WDR7: variants seen among roughly 807,000 people sequenced by gnomAD.
The protein encoded by WDR7 is WD repeat domain 7.
A neutral mutation model predicts 169.4 loss-of-function variants in WDR7; 46 were observed. The observed-to-expected ratio is 0.27, with a 90% CI of 0.21 to 0.35. WDR7 has a LOEUF of 0.35. WDR7 is among the 10% of genes least tolerant of loss of function. WDR7 has a pLI of 1.00. For synonymous variants in WDR7, 612 were observed against 666.8 expected, an observed-to-expected ratio of 0.92 and a Z score of 1.27; for missense variants, 1,534 against 1,859.3, an observed-to-expected ratio of 0.83 and a Z score of 3.22.
chr18:57,010,317 T>C, intron 26 of WDR7: 1 of 980,858 alleles, frequency 1.0e-6, no homozygotes, highest in Non-Finnish European at 1.2e-6. Context: ...TGTAAATATT[T>C]GATAATTTAT....
intron 20 of WDR7, among the ~76,000 whole-genome samples, chr18:56,826,708 A>C (rs2045210643): frequency 6.6e-6 from 1 of 152,228 alleles, no homozygotes. Flanking sequence ...ATCCTAAATA[A>C]AGATGGATGA....
intron 12 of WDR7, among the ~76,000 whole-genome samples, chr18:56,713,587 C>T (rs1426300720): frequency 1.3e-5 from 2 of 152,100 alleles, no homozygotes; most frequent in Non-Finnish European, 2.9e-5. Flanking sequence ...TATTATTTTA[C>T]TTATACAGTT....
intron 25 of WDR7, among the ~76,000 whole-genome samples, chr18:56,955,890 A>T (rs2047243861): frequency 6.6e-6 from 1 of 152,206 alleles, no homozygotes; most frequent in Non-Finnish European, 1.5e-5. Flanking sequence ...GTAAGTATAG[A>T]TCCAGGCAAT....
At chr18:56,656,314 C>A (rs1428376538) in intron 1 of WDR7, among the ~76,000 whole-genome samples, 1 of 143,884 alleles carries the variant, frequency 7.0e-6, no homozygotes, top group Non-Finnish European at 1.5e-5. Context: ...GAGTCTTGCT[C>A]TGTCACCCAG....
intron 25 of WDR7, among the ~76,000 whole-genome samples, chr18:56,961,383 G>A (rs1478159917): frequency 1.3e-5 from 2 of 151,922 alleles, no homozygotes; most frequent in Non-Finnish European, 2.9e-5. Flanking sequence ...AGAACAGTTA[G>A]TTTGGTATTA....
chr18:56,982,458 AT>A (rs2047660417), intron 26 of WDR7, among the ~76,000 whole-genome samples: 1 of 151,462 alleles, frequency 6.6e-6, no homozygotes, highest in African/African-American at 2.4e-5. Context: ...CAGTTTTGGA[AT>A]TTTCATCAAG....
chr18:56,829,745 A>G (rs1353409364), intron 20 of WDR7, among the ~76,000 whole-genome samples: 1 of 152,218 alleles, frequency 6.6e-6, no homozygotes, highest in Non-Finnish European at 1.5e-5. Context: ...ATGTAATTTT[A>G]TTAAGAACTG....
At chr18:56,786,042 G>A (rs2044394742) in intron 19 of WDR7, among the ~76,000 whole-genome samples, 1 of 152,080 alleles carries the variant, frequency 6.6e-6, no homozygotes, top group South Asian at 2.1e-4. Flanking sequence ...AGTACAGAAC[G>A]TTGGCTGGCT....
chr18:56,691,602 A>G (rs1443326324), intron 8 of WDR7, 113 bp from the exon 9 acceptor site: 35 of 925,356 alleles, frequency 3.8e-5, no homozygotes, highest in Middle Eastern at 7.0e-4. Context: ...CATTAAATTA[A>G]CTATAATTTA....
At chr18:56,755,589 G>T (rs186225989) in intron 14 of WDR7, among the ~76,000 whole-genome samples, 1 of 152,300 alleles carries the variant, frequency 6.6e-6, no homozygotes. Context: ...AGATGAGAAC[G>T]TAAAAATGTG....
intron 13 of WDR7, among the ~76,000 whole-genome samples, chr18:56,719,079 T>C (rs2026257711): frequency 6.6e-6 from 1 of 152,262 alleles, no homozygotes; most frequent in African/African-American, 2.4e-5. Flanking sequence ...TCTGTCAAAC[T>C]TCCTTGCTTT....
intron 16 of WDR7, among the ~76,000 whole-genome samples, chr18:56,776,333 T>C (rs1314123748): frequency 6.6e-6 from 1 of 152,170 alleles, no homozygotes; most frequent in African/African-American, 2.4e-5. Flanking sequence ...TGAATATTGG[T>C]TTGAAAATTT....
Position 56,679,436 on chromosome 18 carries a change from T to G in WDR7, c.264T>G (p.Ser88Arg), listed in dbSNP as rs1311936897. Reference sequence around the variant, plus strand: ...AGTATATTGTGAGTGCATCTGAAAGTGGGTAAGTATTTTCTCATTTGCCTC... The same window carrying G: ...AGTATATTGTGAGTGCATCTGAAAGGGGGTAAGTATTTTCTCATTTGCCTC... ...DKQYIVSASE[S>R]GEMCLWDVSD... The change falls in exon 3 of 28, where the codon AGT (serine) becomes AGG (arginine). Residue 88 changes from serine to arginine, a missense_variant and splice_region_variant. Physicochemically the swap from Ser to Arg is moderately radical, Grantham distance 110. Coordinates refer to ENST00000254442, the MANE Select transcript of WDR7 (RefSeq NM_015285.3). The G allele has an allele frequency of 6.3e-7, 1 of 1,597,620 alleles. No homozygotes were observed. Among genetic ancestry groups the G allele is most frequent in the Non-Finnish European group, 8.6e-7 (1 of 1,167,042 alleles).
intron 2 of WDR7, among the ~76,000 whole-genome samples, chr18:56,675,467 T>A (rs1038017574): frequency 2.6e-5 from 4 of 152,190 alleles, no homozygotes; most frequent in Non-Finnish European, 4.4e-5. Flanking sequence ...ATTTTTTGAA[T>A]CTATTAGATA....
chr18:56,946,320 G>T (rs1363532924), intron 25 of WDR7, among the ~76,000 whole-genome samples: 1 of 152,180 alleles, frequency 6.6e-6, no homozygotes, highest in East Asian at 1.9e-4. Flanking sequence ...CCCCGTTATC[G>T]CAGGGCTGTC....
chr18:56,875,780 T>A (rs569766150), intron 20 of WDR7, among the ~76,000 whole-genome samples: 1 of 152,322 alleles, frequency 6.6e-6, no homozygotes, highest in African/African-American at 2.4e-5. Context: ...ACTGTATTAA[T>A]TTTTATCTAG....
At chr18:56,901,063 C>T (rs1012445449) in intron 21 of WDR7, among the ~76,000 whole-genome samples, 14 of 152,104 alleles carry the variant, frequency 9.2e-5, no homozygotes, top group Non-Finnish European at 1.9e-4. Flanking sequence ...TAAATCAAAA[C>T]TTTCACATCA....
At chr18:56,753,133 T>G (rs1033869224) in intron 14 of WDR7, 1 of 152,126 alleles carries the variant, frequency 6.6e-6, no homozygotes, top group Admixed American at 6.5e-5. Context: ...TGGGAGGAAA[T>G]TAAGACAGAA....
At chr18:56,785,788 C>T (rs2044389237) in intron 19 of WDR7, among the ~76,000 whole-genome samples, 1 of 151,466 alleles carries the variant, frequency 6.6e-6, no homozygotes, top group East Asian at 1.9e-4. Flanking sequence ...GTAAGGAAAA[C>T]AATGAGCCAG....
Sources: gnomAD v4.1 joint callset for allele counts (sites outside exome capture counted in the v4.1 genomes callset) on GRCh38, gnomAD v4.1.1 for gene constraint, MANE v1.5 for transcripts, NCBI Gene and HGNC (gene_info 2026-07-23, HGNC 2026-07-21) for gene names.